TAB2: variants seen among roughly 807,000 people sequenced by gnomAD.
The protein encoded by TAB2 is TGF-beta-activated kinase 1 and MAP3K7-binding protein 2.
TAB2 carries 3 observed loss-of-function variants against 65.0 expected under a neutral mutation model. The observed-to-expected ratio is 0.05, with a 90% confidence interval of 0.02 to 0.12. The LOEUF is 0.12. TAB2 is among the 10% of genes least tolerant of loss of function. The pLI, the probability that TAB2 is intolerant of heterozygous loss-of-function variation, is 1.00. For missense variants in TAB2, 623 were observed against 840.3 expected (o/e 0.74, Z 3.20); for synonymous variants, 298 against 285.1 (o/e 1.05, Z -0.46).
intron 1 of TAB2, among the ~76,000 whole-genome samples, chr6:149,234,204 A>T (rs904640515): frequency 6.6e-6 from 1 of 152,240 alleles, no homozygotes; most frequent in African/African-American, 2.4e-5. Context: ...AAACCTACTA[A>T]AAGCAGACTA....
chr6:149,281,405 A>T, intron 1 of TAB2, among the ~76,000 whole-genome samples: 1 of 151,958 alleles, frequency 6.6e-6, no homozygotes. Flanking sequence ...AGCAAAGGAG[A>T]CAAAAGGAAA....
intron 1 of TAB2, among the ~76,000 whole-genome samples, chr6:149,257,777 A>G (rs1350502244): frequency 6.6e-6 from 1 of 152,066 alleles, no homozygotes; most frequent in Non-Finnish European, 1.5e-5. Context: ...CTCCCCTAAA[A>G]TCTGGGCAGC....
intron 6 of TAB2, among the ~76,000 whole-genome samples, chr6:149,403,247 A>ATAT (rs1446132000): frequency 0.011 from 462 of 43,612 alleles, 2 homozygotes; most frequent in Non-Finnish European, 0.013. Flanking sequence ...AAAAAAAAAA[A>ATAT]ATATATATAT....
Position 149,283,041 on chromosome 6 carries a change from C to G in TAB2, c.-121+64265C>G, listed in dbSNP as rs2114687201. On this transcript the variant is annotated intron_variant, in intron 1 of 1. Coordinates refer to the TAB2 transcript ENST00000606202. ...AATTTTAAAAAAGATTCACAAGTGG[C>G]TAACTAGAAAGAGTGATTTAATATT... Among the ~76,000 whole-genome samples, 7 of 152,272 alleles carry G rather than the reference C, an allele frequency of 4.6e-5. 1 individual carries two copies. In the South Asian group the frequency reaches 1.5e-3, roughly 32 times the overall value.
At chr6:149,263,529 G>A (rs1343686886) in intron 1 of TAB2, among the ~76,000 whole-genome samples, 11 of 152,174 alleles carry the variant, frequency 7.2e-5, no homozygotes, top group Admixed American at 7.2e-4. Flanking sequence ...GAGGTGAATT[G>A]GGCAGGAACT....
At chr6:149,244,187 G>C (rs1173491801) in intron 1 of TAB2, 1 of 152,232 alleles carries the variant, frequency 6.6e-6, no homozygotes, top group East Asian at 1.9e-4. Context: ...TGGGGAAACA[G>C]CCTCAATAAA....
At chr6:149,356,031 A>G (rs1247992190) in intron 1 of TAB2, among the ~76,000 whole-genome samples, 1 of 152,254 alleles carries the variant, frequency 6.6e-6, no homozygotes, top group Non-Finnish European at 1.5e-5. Context: ...ATAAATGACA[A>G]AGTGATATAT....
chr6:149,346,448 C>CTTTTTTTT, intron 1 of TAB2: 1 of 113,410 alleles, frequency 8.8e-6, no homozygotes. Flanking sequence ...GTTGGTGAAA[C>CTTTTTTTT]TTTTTTTTTT....
chr6:149,346,063 T>G (rs1251331418), intron 1 of TAB2, among the ~76,000 whole-genome samples: 1 of 152,168 alleles, frequency 6.6e-6, no homozygotes, highest in African/African-American at 2.4e-5. Context: ...TTTAAACACG[T>G]GTGTTTTTTC....
At chr6:149,259,121 C>T (rs544648571) in intron 1 of TAB2, among the ~76,000 whole-genome samples, 13 of 152,310 alleles carry the variant, frequency 8.5e-5, no homozygotes, top group Non-Finnish European at 1.3e-4. Context: ...ACTTCCAGAA[C>T]TGTGGGATAA....
intron 1 of TAB2, among the ~76,000 whole-genome samples, chr6:149,294,027 C>G (rs577849): frequency 0.11 from 16,706 of 152,072 alleles, 1,262 homozygotes; most frequent in East Asian, 0.34. Context: ...AAAAAAAACC[C>G]TAAGAATTGC....
At chr6:149,328,173 C>T (rs559835874) in intron 1 of TAB2, among the ~76,000 whole-genome samples, 1 of 152,256 alleles carries the variant, frequency 6.6e-6, no homozygotes, top group Admixed American at 6.5e-5. Context: ...ATCACATGAT[C>T]GAAAGAACAG....
At chr6:149,330,250 T>C (rs201460096) in intron 1 of TAB2, among the ~76,000 whole-genome samples, 22 of 152,330 alleles carry the variant, frequency 1.4e-4, no homozygotes, top group Admixed American at 3.3e-4. Flanking sequence ...AAAATAAAAC[T>C]GCTGTGAACA....
chr6:149,341,102 A>T (rs1438986630), intron 1 of TAB2, among the ~76,000 whole-genome samples: 1 of 152,108 alleles, frequency 6.6e-6, no homozygotes, highest in Non-Finnish European at 1.5e-5. Flanking sequence ...TTTAAAAAGG[A>T]TTATACCGGA....
At chr6:149,366,084 GC>G (rs1345489238) in intron 1 of TAB2, among the ~76,000 whole-genome samples, 2 of 152,002 alleles carry the variant, frequency 1.3e-5, no homozygotes, top group Non-Finnish European at 2.9e-5. Flanking sequence ...CTCATCTTGG[GC>G]TTTGTGTCCA....
intron 1 of TAB2, among the ~76,000 whole-genome samples, chr6:149,278,607 G>A (rs1469927004): frequency 6.6e-6 from 1 of 152,272 alleles, no homozygotes; most frequent in South Asian, 2.1e-4. Context: ...CCAAACAAGA[G>A]GGGAGTTACT....
intron 3 of TAB2, among the ~76,000 whole-genome samples, chr6:149,389,434 T>C (rs1017254883): frequency 6.6e-6 from 1 of 151,628 alleles, no homozygotes; most frequent in African/African-American, 2.4e-5. Flanking sequence ...TCACCTGAGG[T>C]TGGGAGTTCG....
chr6:149,269,056 A>G (rs1205982390), intron 1 of TAB2, among the ~76,000 whole-genome samples: 1 of 152,184 alleles, frequency 6.6e-6, no homozygotes, highest in East Asian at 1.9e-4. Context: ...CTTGTGCAAT[A>G]CATAAGTATA....
intron 1 of TAB2, among the ~76,000 whole-genome samples, chr6:149,360,208 A>G (rs1780797389): frequency 6.6e-6 from 1 of 151,004 alleles, no homozygotes; most frequent in Admixed American, 6.6e-5. Flanking sequence ...ATTTTTTTTT[A>G]TGTTAGCCTG....
Sources: allele counts gnomAD v4.1 joint callset (sites outside exome capture counted in the v4.1 genomes callset), GRCh38; gene constraint gnomAD v4.1.1; transcripts MANE v1.5; gene names NCBI Gene and HGNC (gene_info 2026-07-23, HGNC 2026-07-21).